Variants in OPCML observed in about 807,000 individuals in gnomAD.
OPCML encodes the protein opioid-binding protein/cell adhesion molecule.
OPCML carries 13 observed loss-of-function variants against 37.8 expected under a neutral mutation model. That is an observed-to-expected ratio of 0.34 (90% CI 0.22 to 0.55). OPCML has a LOEUF of 0.55. Ranked by LOEUF, OPCML falls within the 20% of genes least tolerant of loss-of-function variation. OPCML has a pLI of 0.91. For synonymous variants in OPCML, 176 were observed against 168.8 expected (o/e 1.04, Z -0.33); for missense variants, 341 against 435.6 (o/e 0.78, Z 1.93).
chr11:133,196,940 G>C (rs568711261), intron 1 of OPCML, among the ~76,000 whole-genome samples: 1 of 152,324 alleles, frequency 6.6e-6, no homozygotes, highest in Admixed American at 6.5e-5. Context: ...CTCAAAGAGA[G>C]GGCATCTTGC....
intron 4 of OPCML, among the ~76,000 whole-genome samples, chr11:132,438,523 C>T (rs761282338): frequency 8.0e-5 from 12 of 149,092 alleles, no homozygotes; most frequent in Middle Eastern, 3.5e-3. Context: ...GGAGCAGGAA[C>T]GTGTCTGTGG....
intron 1 of OPCML, among the ~76,000 whole-genome samples, chr11:133,257,542 G>T (rs971440434): frequency 6.6e-6 from 1 of 152,112 alleles, no homozygotes; most frequent in East Asian, 1.9e-4. Flanking sequence ...GTGGCCCCTG[G>T]AGCTTATGCT....
intron 2 of OPCML, among the ~76,000 whole-genome samples, chr11:132,673,207 T>C (rs1942552452): frequency 6.6e-6 from 1 of 152,298 alleles, no homozygotes; most frequent in African/African-American, 2.4e-5. Flanking sequence ...TAATGTCCGC[T>C]CATGACTTGG....
chr11:133,262,998 C>T (rs1483424105), intron 1 of OPCML, among the ~76,000 whole-genome samples: 7 of 151,728 alleles, frequency 4.6e-5, no homozygotes, highest in African/African-American at 1.5e-4. Context: ...AGATGCCCCA[C>T]TTAACCTTAT....
At chr11:132,827,759 C>T (rs1406279469) in intron 2 of OPCML, among the ~76,000 whole-genome samples, 2 of 152,128 alleles carry the variant, frequency 1.3e-5, no homozygotes, top group Non-Finnish European at 2.9e-5. Flanking sequence ...CCTGCCTCAG[C>T]CTCCCCAGCA....
chr11:133,130,493 A>C lies in OPCML; in HGVS notation c.62-187483T>G, dbSNP rs571490673. 4.5e-4 allele frequency among the ~76,000 whole-genome samples: 69 copies of C among 152,294 alleles called. 1 individual carries two copies. Among genetic ancestry groups the C allele is most frequent in the Non-Finnish European group, 8.8e-4 (60 of 68,008 alleles). On this transcript the variant is annotated intron_variant, in intron 1 of 7. Transcript: ENST00000524381. ...ACAAGATCTATTTGAGAAAAACTAC[A>C]AATTCTGATAAAAGAAATCAAAGAC...
At chr11:133,330,806 G>A (rs1473537885) in intron 1 of OPCML, among the ~76,000 whole-genome samples, 1 of 152,228 alleles carries the variant, frequency 6.6e-6, no homozygotes, top group Non-Finnish European at 1.5e-5. Flanking sequence ...TGCACGTTGT[G>A]CACATGTACC....
At chr11:132,947,478 C>A (rs976898151) in intron 1 of OPCML, among the ~76,000 whole-genome samples, 1 of 152,162 alleles carries the variant, frequency 6.6e-6, no homozygotes, top group Admixed American at 6.5e-5. Context: ...TAAACGGGCT[C>A]AACTCATGGG....
chr11:133,027,104 C>A (rs1254670407), intron 1 of OPCML, among the ~76,000 whole-genome samples: 1 of 152,190 alleles, frequency 6.6e-6, no homozygotes, highest in Non-Finnish European at 1.5e-5. Flanking sequence ...AGTTACATGG[C>A]CTCTCTGTGT....
chr11:133,046,586 G>A (rs538554168), intron 1 of OPCML, among the ~76,000 whole-genome samples: 1 of 152,174 alleles, frequency 6.6e-6, no homozygotes, highest in Admixed American at 6.5e-5. Context: ...ACAACACAAC[G>A]CCAGGCATTT....
At chr11:132,916,082 A>T (rs1203955928) in intron 2 of OPCML, among the ~76,000 whole-genome samples, 1 of 152,168 alleles carries the variant, frequency 6.6e-6, no homozygotes, top group Non-Finnish European at 1.5e-5. Context: ...ATGCTGTCAG[A>T]AGTTTCATAT....
intron 1 of OPCML, among the ~76,000 whole-genome samples, chr11:133,268,916 A>C (rs966320055): frequency 6.6e-6 from 1 of 152,160 alleles, no homozygotes; most frequent in African/African-American, 2.4e-5. Context: ...ATAGTAGAAA[A>C]CACTGGTCCC....
intron 3 of OPCML, among the ~76,000 whole-genome samples, chr11:132,616,281 T>G (rs1939010509): frequency 6.6e-6 from 1 of 152,238 alleles, no homozygotes; most frequent in South Asian, 2.1e-4. Context: ...CACACACGCA[T>G]ACCGGTTAAA....
At chr11:133,009,302 A>G (rs1249643913) in intron 1 of OPCML, 1 of 833,566 alleles carries the variant, frequency 1.2e-6, no homozygotes, top group East Asian at 1.2e-4. Context: ...AGAGCTGGCT[A>G]AGGTAACAAA....
At chr11:133,108,444 A>G (rs1949196388) in intron 1 of OPCML, among the ~76,000 whole-genome samples, 1 of 152,176 alleles carries the variant, frequency 6.6e-6, no homozygotes, top group Admixed American at 6.5e-5. Context: ...ATTGCAATCA[A>G]CAATCCATCA....
chr11:133,475,085 AC>A (rs1947210261), intron 1 of OPCML, among the ~76,000 whole-genome samples: 1 of 152,064 alleles, frequency 6.6e-6, no homozygotes, highest in African/African-American at 2.4e-5. Context: ...GCTCTTCTAT[AC>A]CCTGTTGCTG....
At chr11:133,427,961 C>T (rs902716275) in intron 1 of OPCML, among the ~76,000 whole-genome samples, 16 of 152,164 alleles carry the variant, frequency 1.1e-4, no homozygotes, top group African/African-American at 3.9e-4. Flanking sequence ...TTGCTTCCTA[C>T]TTTATTTCAT....
At chr11:133,130,831 A>T (rs1457806729) in intron 1 of OPCML, among the ~76,000 whole-genome samples, 1 of 152,198 alleles carries the variant, frequency 6.6e-6, no homozygotes, top group East Asian at 1.9e-4. Context: ...AAGAAATTTA[A>T]TTAAGAACAG....
chr11:133,157,465 C>G (rs751926798), intron 1 of OPCML, among the ~76,000 whole-genome samples: 1 of 152,162 alleles, frequency 6.6e-6, no homozygotes, highest in Non-Finnish European at 1.5e-5. Flanking sequence ...TGGGCTCTCT[C>G]TTCATATCCA....
Sources: gnomAD v4.1 joint callset for allele counts (sites outside exome capture counted in the v4.1 genomes callset) on GRCh38, gnomAD v4.1.1 for gene constraint, MANE v1.5 for transcripts, NCBI Gene and HGNC (gene_info 2026-07-23, HGNC 2026-07-21) for gene names.